Variants in TMEM117 observed in about 807,000 individuals in gnomAD.
TMEM117 encodes the protein transmembrane protein 117.
In TMEM117, 27 loss-of-function variants were observed where a neutral mutation model predicts 52.4. The observed-to-expected ratio is 0.51, with a 90% CI of 0.38 to 0.71. The LOEUF is 0.71. Among genes scored for constraint, TMEM117 ranks in the 30% least tolerant of loss-of-function variants. TMEM117 has a pLI of 0.00. For missense variants in TMEM117, 556 were observed against 630.5 expected (o/e 0.88, Z 1.26); for synonymous variants, 215 against 206.3 (o/e 1.04, Z -0.36).
intron 3 of TMEM117, among the ~76,000 whole-genome samples, chr12:44,094,957 A>G (rs1042132402): frequency 1.3e-5 from 2 of 152,274 alleles, no homozygotes; most frequent in Non-Finnish European, 2.9e-5. Context: ...ATGTACCGTC[A>G]TATTTTTACA....
chr12:44,309,299 G>A (rs1357416173), intron 6 of TMEM117, among the ~76,000 whole-genome samples: 1 of 152,046 alleles, frequency 6.6e-6, no homozygotes, highest in Non-Finnish European at 1.5e-5. Flanking sequence ...GTAGAAGCTG[G>A]GTCTTCTGAA....
At chr12:44,376,311 A>G in intron 6 of TMEM117, 1 of 389,492 alleles carries the variant, frequency 2.6e-6, no homozygotes, top group Non-Finnish European at 4.7e-6. Flanking sequence ...CTCCAGAATG[A>G]AAGAGATAAA....
intron 4 of TMEM117, among the ~76,000 whole-genome samples, chr12:44,170,279 C>A (rs1388312148): frequency 8.5e-5 from 10 of 117,554 alleles, no homozygotes; most frequent in African/African-American, 3.5e-4. Context: ...GAACATCACA[C>A]ACTGGGGCCT....
At chr12:43,912,525 ATATATATAT>A (rs1354583802) in intron 2 of TMEM117, among the ~76,000 whole-genome samples, 1 of 80,380 alleles carries the variant, frequency 1.2e-5, no homozygotes, top group African/African-American at 3.3e-5. Context: ...ATATATATAT[ATATATATAT>A]ATGGCAGAAT....
chr12:43,848,015 G>C (rs1416684658), intron 2 of TMEM117, among the ~76,000 whole-genome samples: 1 of 152,106 alleles, frequency 6.6e-6, no homozygotes, highest in Non-Finnish European at 1.5e-5. Context: ...TTTCAAAAGG[G>C]GCGGGGGTGT....
rs144756462 is a variant in TMEM117, at chr12:44,313,091, G to C, written c.768+13352G>C. ...TGTTTACTCTGCTTTTCATTTTGCT[G>C]TACGAAAGCTCTTTATTTAATTAGG... On this transcript the variant is annotated intron_variant, in intron 6 of 7. Coordinates refer to ENST00000266534, the MANE Select transcript of TMEM117 (RefSeq NM_032256.3). Among the ~76,000 whole-genome samples, 154 of 152,234 alleles carry C rather than the reference G, an allele frequency of 1.0e-3. 1 individual carries two copies. The highest frequency in any genetic ancestry group is 3.6e-3 in the African/African-American group (148 of 41,544).
chr12:44,189,727 A>T (rs1949326575), intron 4 of TMEM117, among the ~76,000 whole-genome samples: 1 of 152,236 alleles, frequency 6.6e-6, no homozygotes, highest in South Asian at 2.1e-4. Flanking sequence ...ATTCCTCAGT[A>T]CTTAAGGAGA....
chr12:44,213,770 T>C (rs1949678187), intron 5 of TMEM117, among the ~76,000 whole-genome samples: 1 of 152,182 alleles, frequency 6.6e-6, no homozygotes, highest in African/African-American at 2.4e-5. Context: ...CGTGTTTGCT[T>C]CCCCTTCAGC....
rs142933428 is a variant in TMEM117 at position 44,213,780 on chromosome 12, C to T, written c.608+2393C>T. The stretch of plus-strand genomic sequence containing the variant: ...AAGGACGTGTTTGCTTCCCCTTCAG[C>T]TGTGATTGTAAGTTTTCTGACGCCT... On this transcript the variant is annotated intron_variant, in intron 5 of 7. Coordinates refer to ENST00000266534, the MANE Select transcript of TMEM117 (RefSeq NM_032256.3). Among the ~76,000 whole-genome samples the T allele has an allele frequency of 2.0e-5, 3 of 152,346 alleles. No individual in the cohort carries two copies. In the East Asian group the frequency reaches 5.8e-4, roughly 29 times the overall value.
intron 5 of TMEM117, among the ~76,000 whole-genome samples, chr12:44,285,521 C>G (rs1312095435): frequency 6.6e-6 from 1 of 152,174 alleles, no homozygotes; most frequent in Admixed American, 6.5e-5. Flanking sequence ...CACTAGGTCA[C>G]TTGGCAAACA....
intron 6 of TMEM117, among the ~76,000 whole-genome samples, chr12:44,370,355 T>G (rs1433336231): frequency 6.6e-6 from 1 of 152,072 alleles, no homozygotes; most frequent in Non-Finnish European, 1.5e-5. Context: ...TACACCTAGT[T>G]TATAGGGAAA....
chr12:44,002,872 A>T (rs1946137508), intron 3 of TMEM117, among the ~76,000 whole-genome samples: 1 of 152,168 alleles, frequency 6.6e-6, no homozygotes, highest in African/African-American at 2.4e-5. Flanking sequence ...AGCCAGGGAC[A>T]GGACTTTGTA....
chr12:44,145,117 A>T (rs946281500), intron 4 of TMEM117, among the ~76,000 whole-genome samples: 9 of 152,242 alleles, frequency 5.9e-5, no homozygotes, highest in Non-Finnish European at 1.0e-4. Flanking sequence ...AGATCGCGCC[A>T]CTGAACTCCA....
chr12:44,028,217 G>A (rs947115461), intron 3 of TMEM117, among the ~76,000 whole-genome samples: 1 of 152,200 alleles, frequency 6.6e-6, no homozygotes, highest in African/African-American at 2.4e-5. Flanking sequence ...GTTTGACTGA[G>A]TGTAGATTTT....
Position 43,984,135 on chromosome 12 carries a change from A to G in TMEM117, c.410+39793A>G, listed in dbSNP as rs542351916. On this transcript the variant is annotated intron_variant, in intron 3 of 7. Coordinates refer to ENST00000266534, the MANE Select transcript of TMEM117 (RefSeq NM_032256.3). ...GTAATCCCAGCACTTTGGGAGGCCT[A>G]GGCGGGTGGGTCACTTGAGGTCAGG... Among the ~76,000 whole-genome samples, 7 of 152,218 alleles carry G rather than the reference A, an allele frequency of 4.6e-5. No homozygotes were observed. In the South Asian group the frequency reaches 6.2e-4, roughly 14 times the overall value.
At chr12:44,172,603 C>G (rs114878164) in intron 4 of TMEM117, among the ~76,000 whole-genome samples, 1,758 of 152,294 alleles carry the variant, frequency 0.012, 22 homozygotes, top group South Asian at 0.052. Flanking sequence ...GTCACATTCT[C>G]TGGGGGCTAG....
At chr12:44,213,980 G>A (rs1426296527) in intron 5 of TMEM117, among the ~76,000 whole-genome samples, 1 of 152,016 alleles carries the variant, frequency 6.6e-6, no homozygotes, top group African/African-American at 2.4e-5. Context: ...ATTTGCAAGG[G>A]TAAGCCATGT....
At chr12:43,966,985 G>T (rs1294051048) in intron 3 of TMEM117, among the ~76,000 whole-genome samples, 7 of 152,178 alleles carry the variant, frequency 4.6e-5, no homozygotes, top group Non-Finnish European at 1.0e-4. Context: ...TGTGTAGTGG[G>T]CAGCCTCTGA....
At chr12:43,900,818 T>C (rs1944291945) in intron 2 of TMEM117, among the ~76,000 whole-genome samples, 3 of 151,018 alleles carry the variant, frequency 2.0e-5, no homozygotes, top group Admixed American at 6.6e-5. Context: ...ATTTGGAAAC[T>C]ACAGAACAGA....
Sources: allele counts gnomAD v4.1 joint callset (sites outside exome capture counted in the v4.1 genomes callset), GRCh38; gene constraint gnomAD v4.1.1; transcripts MANE v1.5; gene names NCBI Gene and HGNC (gene_info 2026-07-23, HGNC 2026-07-21).